Variants in CORO2B observed in about 807,000 individuals in gnomAD.
The protein encoded by CORO2B is coronin 2B.
CORO2B carries 26 observed loss-of-function variants against 58.8 expected under a neutral mutation model. The observed-to-expected ratio is 0.44, with a 90% CI of 0.32 to 0.61. The LOEUF (loss-of-function observed/expected upper bound fraction) is 0.61. Ranked by LOEUF, CORO2B falls within the 20% of genes least tolerant of loss-of-function variation. CORO2B has a pLI of 0.04. For synonymous variants in CORO2B, 242 were observed against 253.8 expected (o/e 0.95, Z 0.44); for missense variants, 460 against 645.1 (o/e 0.71, Z 3.11).
chr15:68,605,716 T>TG, intron 1 of CORO2B, among the ~76,000 whole-genome samples: 1 of 121,518 alleles, frequency 8.2e-6, no homozygotes, highest in African/African-American at 3.0e-5. Flanking sequence ...CTTGGGTTTT[T>TG]TTTTTTTTTT....
chr15:68,723,861 G>A (rs1294235325), intron 11 of CORO2B, among the ~76,000 whole-genome samples: 1 of 152,148 alleles, frequency 6.6e-6, no homozygotes, highest in Non-Finnish European at 1.5e-5. Flanking sequence ...GATCGCTTGA[G>A]CCCAGGAGTT....
intron 1 of CORO2B, among the ~76,000 whole-genome samples, chr15:68,642,407 C>A (rs956978663): frequency 2.6e-5 from 4 of 152,162 alleles, no homozygotes; most frequent in African/African-American, 9.7e-5. Context: ...TAGAAACAGG[C>A]CTTGTGCAGA....
At chr15:68,703,493 C>G (rs1892709909) in intron 3 of CORO2B, among the ~76,000 whole-genome samples, 1 of 152,074 alleles carries the variant, frequency 6.6e-6, no homozygotes, top group Admixed American at 6.5e-5. Flanking sequence ...CCCACGCTAC[C>G]CCAAAACAGA....
chr15:68,701,565 A>T (rs1892651346), intron 3 of CORO2B, among the ~76,000 whole-genome samples: 1 of 136,030 alleles, frequency 7.4e-6, no homozygotes, highest in African/African-American at 2.7e-5. Context: ...GACTCACTGC[A>T]AGCTCCGCCT....
At chr15:68,638,879 G>A (rs1901118853) in intron 1 of CORO2B, among the ~76,000 whole-genome samples, 2 of 152,184 alleles carry the variant, frequency 1.3e-5, no homozygotes, top group Admixed American at 6.5e-5. Flanking sequence ...GCTTTTCAGG[G>A]TGGTTCTGCA....
intron 3 of CORO2B, among the ~76,000 whole-genome samples, chr15:68,704,843 C>T (rs1892744033): frequency 6.6e-6 from 1 of 152,160 alleles, no homozygotes; most frequent in African/African-American, 2.4e-5. Context: ...AGTTTTGCCA[C>T]TTCTCCCCAC....
upstream of CORO2B, among the ~76,000 whole-genome samples, chr15:68,578,272 CAA>C (rs2140550068): frequency 6.6e-6 from 1 of 152,294 alleles, no homozygotes; most frequent in African/African-American, 2.4e-5. The surrounding 1 kb of genome is among the most constrained non-coding windows in gnomAD (Gnocchi z 4.2). Context: ...GCTTCTATAA[CAA>C]GAGGTTCCTT....
rs577203426 is a variant in CORO2B, at chr15:68,674,660, G to A, written c.217-20480G>A. Among the ~76,000 whole-genome samples, 6 of 152,368 alleles carry A rather than the reference G, an allele frequency of 3.9e-5. No homozygotes were observed. The South Asian group carries it at 1.0e-3, about 26-fold the overall frequency. On this transcript the variant is annotated intron_variant, in intron 2 of 11. Coordinates refer to ENST00000261861, the MANE Select transcript of CORO2B (RefSeq NM_006091.5). Reference sequence around the variant, plus strand: ...ACCGCCAGAGAAAGGCTCGTGGGCAGTGGCTTCTCCGTGGAGCACACGCGA... The same window carrying A: ...ACCGCCAGAGAAAGGCTCGTGGGCAATGGCTTCTCCGTGGAGCACACGCGA...
the CORO2B span, among the ~76,000 whole-genome samples, chr15:68,537,137 G>C: frequency 3.0e-3 from 452 of 152,102 alleles, 1 homozygote; most frequent in African/African-American, 0.01. Flanking sequence ...GTTGGTTTCT[G>C]TCATCCTGGC....
intron 1 of CORO2B, among the ~76,000 whole-genome samples, chr15:68,618,493 A>G (rs1900428585): frequency 6.6e-6 from 1 of 152,258 alleles, no homozygotes; most frequent in Non-Finnish European, 1.5e-5. Flanking sequence ...AGGCAGCCAG[A>G]TGGAAGCAAC....
At chr15:68,581,619 C>G (rs556984724) in intron 1 of CORO2B, among the ~76,000 whole-genome samples, 19 of 152,200 alleles carry the variant, frequency 1.2e-4, no homozygotes, top group Non-Finnish European at 1.8e-4. Context: ...TCTAGGGCCT[C>G]TTCTGCTGAG....
intron 2 of CORO2B, among the ~76,000 whole-genome samples, chr15:68,648,168 A>G (rs1243952305): frequency 6.6e-6 from 1 of 150,860 alleles, no homozygotes; most frequent in Non-Finnish European, 1.5e-5. Flanking sequence ...CCCCGCCTCT[A>G]CTAAAAATAC....
the CORO2B span, among the ~76,000 whole-genome samples, chr15:68,549,618 A>G: frequency 6.6e-6 from 1 of 152,182 alleles, no homozygotes; most frequent in South Asian, 2.1e-4. Flanking sequence ...AAGCTGGGTC[A>G]CTACATTCTG....
At chr15:68,581,371 G>A (rs79908796) in intron 1 of CORO2B, among the ~76,000 whole-genome samples, 37 of 152,258 alleles carry the variant, frequency 2.4e-4, no homozygotes, top group Non-Finnish European at 4.4e-4. Flanking sequence ...TGTTCTTGTG[G>A]GGAACAGAGA....
At position 68,658,265 on chromosome 15, in the gene CORO2B, G is replaced by T. The variant is rs76169793; in HGVS notation, c.216+12905G>T. Among the ~76,000 whole-genome samples the T allele has an allele frequency of 4.0e-5, 6 of 151,788 alleles. No homozygotes were observed. In the East Asian group the frequency reaches 5.8e-4, roughly 15 times the overall value. On this transcript the variant is annotated intron_variant, in intron 2 of 11. Transcript: ENST00000261861. Reference sequence around the variant, plus strand: ...AGCCCTGGACCAGGGAGAGGGAACAGCTGGGGCCAGGCTGGCCAGCTCCCA... The same window carrying T: ...AGCCCTGGACCAGGGAGAGGGAACATCTGGGGCCAGGCTGGCCAGCTCCCA...
At chr15:68,614,059 A>G (rs1900299184) in intron 1 of CORO2B, among the ~76,000 whole-genome samples, 1 of 152,142 alleles carries the variant, frequency 6.6e-6, no homozygotes, top group African/African-American at 2.4e-5. Flanking sequence ...CCTGCATTGG[A>G]ATCTCTTGGG....
At chr15:68,718,948 G>A (rs1893096440) in intron 9 of CORO2B, 138 bp downstream of exon 9, 2 of 867,496 alleles carry the variant, frequency 2.3e-6, no homozygotes, top group Non-Finnish European at 3.7e-6. Flanking sequence ...TTGGGGTGAG[G>A]GGCATTCTCA....
the CORO2B span, among the ~76,000 whole-genome samples, chr15:68,547,420 A>G: frequency 6.6e-6 from 1 of 152,232 alleles, no homozygotes; most frequent in Non-Finnish European, 1.5e-5. Context: ...TACAGAGACC[A>G]TCACAGGCAT....
At chr15:68,656,245 A>G (rs1901804049) in intron 2 of CORO2B, among the ~76,000 whole-genome samples, 1 of 148,568 alleles carries the variant, frequency 6.7e-6, no homozygotes, top group Non-Finnish European at 1.5e-5. Flanking sequence ...TGGGAGGAAG[A>G]AGGGTTGGTC....
Sources: allele counts gnomAD v4.1 joint callset (sites outside exome capture counted in the v4.1 genomes callset), GRCh38; gene constraint gnomAD v4.1.1; non-coding constraint Gnocchi (gnomAD v3.1); transcripts MANE v1.5; gene names NCBI Gene and HGNC (gene_info 2026-07-23, HGNC 2026-07-21).